Variants in SHCBP1 observed in about 807,000 individuals in gnomAD.
SHCBP1 encodes SHC binding and spindle associated 1, also known as SHC SH2 domain-binding protein 1.
SHCBP1 carries 60 observed loss-of-function variants against 75.1 expected under a neutral mutation model. The observed-to-expected ratio is 0.80, with a 90% CI of 0.65 to 0.99. SHCBP1 has a LOEUF of 0.99. Among genes scored for constraint, SHCBP1 ranks in the 50% least tolerant of loss-of-function variants. The pLI is 0.00. For missense variants in SHCBP1, 709 were observed against 809.4 expected, an observed-to-expected ratio of 0.88 and a Z score of 1.50; for synonymous variants, 290 against 293.2, an observed-to-expected ratio of 0.99 and a Z score of 0.11.
intron 10 of SHCBP1, among the ~76,000 whole-genome samples, chr16:46,589,708 A>T (rs1283796398): frequency 2.0e-5 from 3 of 152,216 alleles, no homozygotes; most frequent in Admixed American, 6.5e-5. Flanking sequence ...ATGCTCATGG[A>T]TAGGAAGAAT....
rs141582979 is a variant in SHCBP1 at position 46,584,231 on chromosome 16, C to A, written c.1465-142G>T. Reference sequence around the variant, plus strand: ...GTACTTTACAGATAAGTTTTACCAGCCATTTTTAATCAACATTTCCATTTG... The same window carrying A: ...GTACTTTACAGATAAGTTTTACCAGACATTTTTAATCAACATTTCCATTTG... On this transcript the variant is annotated intron_variant, in intron 10 of 12. Transcript: ENST00000303383. 3,953 of 506,678 alleles carry A rather than the reference C, an allele frequency of 7.8e-3. 36 individuals carry two copies. Among genetic ancestry groups the A allele is most frequent in the Middle Eastern group, 0.01 (19 of 1,892 alleles). The allele number at this position is 506,678 out of a possible 1,614,324, so 31.4% of individuals were successfully genotyped here.
chr16:46,619,392 T>C (rs1266624443), intron 1 of SHCBP1, among the ~76,000 whole-genome samples: 3 of 152,118 alleles, frequency 2.0e-5, no homozygotes, highest in Non-Finnish European at 4.4e-5. Flanking sequence ...TCCTTCCATT[T>C]CTTTGTCCCT....
chr16:46,592,851 A>G (rs912279099), intron 10 of SHCBP1, among the ~76,000 whole-genome samples: 1 of 150,662 alleles, frequency 6.6e-6, no homozygotes, highest in Non-Finnish European at 1.5e-5. Flanking sequence ...AAATCATGCG[A>G]TCATATCAAT....
intron 8 of SHCBP1, among the ~76,000 whole-genome samples, chr16:46,602,064 A>G (rs551276918): frequency 6.6e-6 from 1 of 152,322 alleles, no homozygotes; most frequent in South Asian, 2.1e-4. Flanking sequence ...GTCAATATAC[A>G]GCCATTTTTA....
Position 46,581,873 on chromosome 16 carries a change from T to A in SHCBP1, c.1875A>T (p.Lys625Asn). The change falls in exon 13 of 13, where the codon AAA becomes AAT. Residue 625 changes from lysine to asparagine, a missense_variant. Physicochemically the swap from Lys to Asn is moderately conservative, Grantham distance 94. Coordinates refer to ENST00000303383, the MANE Select transcript of SHCBP1 (RefSeq NM_024745.5). ...VNELIAASTQ[K>N]GQIKKKRLSE... ...TCAACCTTTTCTTCTTTATCTGGCC[T>A]TTCTGTGTGGAGGCAGCAATTAGTT... The A allele has an allele frequency of 6.2e-7, 1 of 1,614,206 alleles. No homozygotes were observed.
chr16:46,610,161 AG>A (rs1965386850), intron 4 of SHCBP1, among the ~76,000 whole-genome samples: 1 of 152,112 alleles, frequency 6.6e-6, no homozygotes, highest in South Asian at 2.1e-4. Context: ...TATGTTGGCC[AG>A]GCTGGTCTCA....
chr16:46,588,706 G>C (rs1402929179), intron 10 of SHCBP1, among the ~76,000 whole-genome samples: 10 of 152,194 alleles, frequency 6.6e-5, no homozygotes, highest in Non-Finnish European at 1.5e-4. Context: ...AAAAAGTCTA[G>C]GACCAGACGG....
At chr16:46,620,700 A>G (rs1965572721) in intron 1 of SHCBP1, 1 of 151,812 alleles carries the variant, frequency 6.6e-6, no homozygotes, top group Non-Finnish European at 1.5e-5. Flanking sequence ...AAATATCAGA[A>G]AAAAAAAATA....
rs1965292612 is a variant in SHCBP1 at position 46,604,299 on chromosome 16, T to G, written c.852A>C (p.Glu284Asp). ...DSEQENISMV[E>D]GLKLYSEMEQ... is the part of the protein sequence containing the mutation. ...CCATCTCCGAATACAATTTTAACCCTTCCACCATGGAGATATTTTCCTGCT... is the reference window on the plus strand; with the variant it reads ...CCATCTCCGAATACAATTTTAACCCGTCCACCATGGAGATATTTTCCTGCT... Residue 284 changes from glutamate to aspartate, a missense_variant, in exon 6 of 13, where the codon GAA (glutamate) becomes GAC (aspartate). Physicochemically the swap from Glu to Asp is conservative, Grantham distance 45. Transcript: ENST00000303383. The G allele has an allele frequency of 1.2e-6, 2 of 1,614,106 alleles. No homozygotes were observed. The highest frequency in any genetic ancestry group is 1.1e-5 in the South Asian group (1 of 91,088).
intron 10 of SHCBP1, among the ~76,000 whole-genome samples, chr16:46,592,344 A>C (rs1224262519): frequency 6.6e-6 from 1 of 152,166 alleles, no homozygotes; most frequent in African/African-American, 2.4e-5. Flanking sequence ...AAATCTGACA[A>C]CTTAGAAGTA....
intron 10 of SHCBP1, among the ~76,000 whole-genome samples, chr16:46,588,592 A>C (rs8059285): frequency 1.4e-4 from 22 of 152,140 alleles, no homozygotes; most frequent in African/African-American, 4.6e-4. Context: ...TAAATTCCTC[A>C]ACACATACAC....
At chr16:46,611,120 CTG>C (rs1965409892) in intron 4 of SHCBP1, among the ~76,000 whole-genome samples, 1 of 152,134 alleles carries the variant, frequency 6.6e-6, no homozygotes, top group Non-Finnish European at 1.5e-5. Context: ...GAGGTGAATT[CTG>C]TGTCTACCTT....
intron 5 of SHCBP1, among the ~76,000 whole-genome samples, chr16:46,606,269 G>C (rs1965325832): frequency 6.6e-6 from 1 of 152,126 alleles, no homozygotes; most frequent in African/African-American, 2.4e-5. Flanking sequence ...AAGCAGAAAG[G>C]AAAAATTTAC....
chr16:46,599,351 G>A (rs1200743021), intron 9 of SHCBP1, among the ~76,000 whole-genome samples: 2 of 152,012 alleles, frequency 1.3e-5, no homozygotes, highest in Non-Finnish European at 2.9e-5. Flanking sequence ...GTTATTAACT[G>A]GCCTAATTTC....
chr16:46,586,393 C>T (rs1352741110), intron 10 of SHCBP1, among the ~76,000 whole-genome samples: 1 of 152,052 alleles, frequency 6.6e-6, no homozygotes, highest in African/African-American at 2.4e-5. Context: ...AACTGGAAGA[C>T]AGAACAGTAA....
intron 2 of SHCBP1, 73 bp from the exon 3 acceptor site, chr16:46,617,822 A>C: frequency 8.6e-7 from 1 of 1,156,156 alleles, no homozygotes; most frequent in South Asian, 1.3e-5. Flanking sequence ...CCACTTTCTC[A>C]GAAACAACTG....
chr16:46,585,872 T>C (rs1025973541), intron 10 of SHCBP1, among the ~76,000 whole-genome samples: 9 of 152,182 alleles, frequency 5.9e-5, no homozygotes, highest in East Asian at 5.8e-4. Flanking sequence ...CACCCCTACA[T>C]AGCAGTAAGA....
At chr16:46,582,768 G>A (rs1313420142) in intron 12 of SHCBP1, among the ~76,000 whole-genome samples, 1 of 152,206 alleles carries the variant, frequency 6.6e-6, no homozygotes, top group East Asian at 1.9e-4. Flanking sequence ...TTACTTTTGT[G>A]AGACCTGTGA....
chr16:46,613,850 C>T (rs564965845), intron 4 of SHCBP1, among the ~76,000 whole-genome samples: 4 of 152,292 alleles, frequency 2.6e-5, no homozygotes, highest in Admixed American at 6.5e-5. Context: ...ATTGAATCAA[C>T]GAACAAATGA....
Sources: gnomAD v4.1 joint callset for allele counts (sites outside exome capture counted in the v4.1 genomes callset) on GRCh38, gnomAD v4.1.1 for gene constraint, MANE v1.5 for transcripts, NCBI Gene and HGNC (gene_info 2026-07-23, HGNC 2026-07-21) for gene names.